DLGAP2: variants seen among roughly 807,000 people sequenced by gnomAD.
DLGAP2 encodes disks large-associated protein 2.
Under a neutral mutation model 100.3 loss-of-function variants are expected in DLGAP2, and 26 were observed. The observed-to-expected ratio is 0.26, with a 90% CI of 0.19 to 0.36. The LOEUF (loss-of-function observed/expected upper bound fraction) is 0.36. Among genes scored for constraint, DLGAP2 ranks in the 10% least tolerant of loss-of-function variants. DLGAP2 has a pLI of 1.00. For synonymous variants in DLGAP2, 886 were observed against 630.1 expected (o/e 1.41, Z -6.08); for missense variants, 1,858 against 1,453.2 (o/e 1.28, Z -4.53).
intron 1 of DLGAP2, among the ~76,000 whole-genome samples, chr8:815,805 A>G (rs1469757535): frequency 3.9e-5 from 6 of 152,230 alleles, no homozygotes; most frequent in African/African-American, 1.2e-4. Context: ...ATACAAAAGA[A>G]GAATACTTTG....
intron 4 of DLGAP2, among the ~76,000 whole-genome samples, chr8:1,513,342 C>G (rs1454480325): frequency 1.3e-5 from 2 of 151,716 alleles, no homozygotes; most frequent in African/African-American, 4.8e-5. Flanking sequence ...CAGGCCAGCT[C>G]CAGGGAGGCT....
chr8:1,564,763 C>A (rs553561764), intron 5 of DLGAP2, among the ~76,000 whole-genome samples: 1 of 152,188 alleles, frequency 6.6e-6, no homozygotes, highest in Non-Finnish European at 1.5e-5. Flanking sequence ...TGCATAGTTG[C>A]TCAGCTCTGT....
chr8:938,735 G>A (rs978625218), intron 2 of DLGAP2, among the ~76,000 whole-genome samples: 1 of 152,182 alleles, frequency 6.6e-6, no homozygotes, highest in Non-Finnish European at 1.5e-5. Context: ...CTGTGAGGTG[G>A]TGTGGGCACG....
At chr8:1,625,620 A>G (rs1219966989) in intron 6 of DLGAP2, among the ~76,000 whole-genome samples, 1 of 152,268 alleles carries the variant, frequency 6.6e-6, no homozygotes, top group African/African-American at 2.4e-5. Flanking sequence ...TTTTTTAAAT[A>G]TGTAAAGTTG....
In DLGAP2 at chr8:1,610,445, C is replaced by G. The variant is rs1257463249; in HGVS notation, c.1443-16295C>G. Among the ~76,000 whole-genome samples the G allele has an allele frequency of 9.4e-5, 14 of 148,162 alleles. No homozygotes were observed. In the South Asian group the frequency reaches 2.2e-3, roughly 23 times the overall value. Reference sequence around the variant, plus strand: ...CCCACAAGAGAAAGCAGGAAAGATCCAAAATTGACACCCTAACATCACAAT... The same window carrying G: ...CCCACAAGAGAAAGCAGGAAAGATCGAAAATTGACACCCTAACATCACAAT... On this transcript the variant is annotated intron_variant, in intron 6 of 14. Coordinates refer to ENST00000637795, the MANE Select transcript of DLGAP2 (RefSeq NM_001346810.2).
chr8:1,420,538 T>G (rs1797062353), intron 3 of DLGAP2, among the ~76,000 whole-genome samples: 1 of 152,234 alleles, frequency 6.6e-6, no homozygotes, highest in South Asian at 2.1e-4. Context: ...TACTAAAGCA[T>G]GTTTAAGCTA....
chr8:1,571,465 A>G (rs1479786427), intron 6 of DLGAP2, among the ~76,000 whole-genome samples: 3 of 121,726 alleles, frequency 2.5e-5, no homozygotes, highest in Non-Finnish European at 5.1e-5. Flanking sequence ...AGAGGGGTGA[A>G]CTGTGGGGTG....
intron 1 of DLGAP2, among the ~76,000 whole-genome samples, chr8:829,959 A>G (rs1423982273): frequency 6.6e-6 from 1 of 152,222 alleles, no homozygotes; most frequent in African/African-American, 2.4e-5. Context: ...AGTGATATAA[A>G]TAATGCTTGG....
intron 1 of DLGAP2, among the ~76,000 whole-genome samples, chr8:882,204 G>A (rs1396771498): frequency 2.6e-5 from 4 of 151,902 alleles, no homozygotes; most frequent in Admixed American, 6.6e-5. Context: ...GAGACATGAC[G>A]GGGATTTATC....
At chr8:1,364,096 A>G (rs746880385) in intron 3 of DLGAP2, among the ~76,000 whole-genome samples, 1 of 152,116 alleles carries the variant, frequency 6.6e-6, no homozygotes, top group Non-Finnish European at 1.5e-5. Context: ...CACCTTTGGG[A>G]TAACACAGCT....
At chr8:1,432,875 C>T (rs1315898572) in intron 3 of DLGAP2, among the ~76,000 whole-genome samples, 2 of 152,184 alleles carry the variant, frequency 1.3e-5, no homozygotes, top group Non-Finnish European at 2.9e-5. Flanking sequence ...ACAGACTGGC[C>T]GAGCTGGGGG....
At chr8:876,962 C>T (rs562223938) in intron 1 of DLGAP2, among the ~76,000 whole-genome samples, 10 of 150,034 alleles carry the variant, frequency 6.7e-5, no homozygotes, top group African/African-American at 2.0e-4. Flanking sequence ...TTTCCAACAG[C>T]GGAATTTCCA....
chr8:918,115 G>A (rs190584173), intron 2 of DLGAP2, among the ~76,000 whole-genome samples: 3 of 152,246 alleles, frequency 2.0e-5, no homozygotes, highest in Non-Finnish European at 1.5e-5. Flanking sequence ...CCTAAGTTTT[G>A]TGCCTTCCCC....
At chr8:1,157,400 T>C (rs890989899) in intron 2 of DLGAP2, among the ~76,000 whole-genome samples, 1 of 152,202 alleles carries the variant, frequency 6.6e-6, no homozygotes, top group South Asian at 2.1e-4. Context: ...TAAGAGTACA[T>C]GCTAGGAATG....
chr8:1,093,086 C>T (rs1396935780), intron 2 of DLGAP2, among the ~76,000 whole-genome samples: 2 of 152,216 alleles, frequency 1.3e-5, no homozygotes, highest in African/African-American at 4.8e-5. Flanking sequence ...GGCCGAGCTC[C>T]TTCCTCCTTG....
chr8:1,547,791 C>T (rs934928897), intron 4 of DLGAP2, among the ~76,000 whole-genome samples: 12 of 152,276 alleles, frequency 7.9e-5, no homozygotes, highest in African/African-American at 2.4e-4. Flanking sequence ...AGCGGGATTC[C>T]TCTGGGGAAG....
chr8:1,067,364 C>T (rs751215104), intron 2 of DLGAP2, among the ~76,000 whole-genome samples: 12 of 152,202 alleles, frequency 7.9e-5, no homozygotes, highest in Non-Finnish European at 1.3e-4. Flanking sequence ...GTGGTGCCTA[C>T]CCAGCAGGGG....
At chr8:865,370 TG>T (rs1172767230) in intron 1 of DLGAP2, among the ~76,000 whole-genome samples, 1 of 152,186 alleles carries the variant, frequency 6.6e-6, no homozygotes, top group East Asian at 1.9e-4. Flanking sequence ...GCGGAGAAGA[TG>T]GGTTTTAAGA....
intron 3 of DLGAP2, among the ~76,000 whole-genome samples, chr8:1,332,034 G>A (rs1174763955): frequency 6.6e-6 from 1 of 152,224 alleles, no homozygotes. Flanking sequence ...TCTTTTGCTG[G>A]TGAACCAGTG....
Sources: gnomAD v4.1 joint callset for allele counts (sites outside exome capture counted in the v4.1 genomes callset) on GRCh38, gnomAD v4.1.1 for gene constraint, MANE v1.5 for transcripts, NCBI Gene and HGNC (gene_info 2026-07-23, HGNC 2026-07-21) for gene names.